Variants in EYA4 observed in about 807,000 individuals in gnomAD.
EYA4 encodes EYA transcriptional coactivator and phosphatase 4.
Under a neutral mutation model 87.9 loss-of-function variants are expected in EYA4, and 31 were observed. The observed-to-expected ratio is 0.35, with a 90% CI of 0.27 to 0.48. The LOEUF (loss-of-function observed/expected upper bound fraction) is 0.48, where lower values mean the gene tolerates loss of function less well. Among genes scored for constraint, EYA4 ranks in the 20% least tolerant of loss-of-function variants. The probability of loss-of-function intolerance (pLI) is 0.99; values close to 1 mark genes in which losing one functional copy is unlikely to be tolerated. For synonymous variants in EYA4, 263 were observed against 270.6 expected, an observed-to-expected ratio of 0.97 and a Z score of 0.28; for missense variants, 678 against 761.4, an observed-to-expected ratio of 0.89 and a Z score of 1.29.
Position 133,528,985 on chromosome 6 carries a change from G to T in EYA4, c.*180G>T. The T allele has an allele frequency of 6.9e-7, 1 of 1,443,964 alleles. No individual in the cohort carries two copies. Among genetic ancestry groups the T allele is most frequent in the Admixed American group, 2.4e-5 (1 of 41,526 alleles). The allele number at this position is 1,443,964 out of a possible 1,614,324, so 89.4% of individuals were successfully genotyped here. A position where few individuals can be genotyped will look rare whatever the true frequency, so the allele number is the denominator to read the frequency against. Reference sequence around the variant, plus strand: ...AATGGAGTTAAACTTTAGTGCTACAGAAAAGAAACTCTATGGTCTTATATT... The same window carrying T: ...AATGGAGTTAAACTTTAGTGCTACATAAAAGAAACTCTATGGTCTTATATT... On this transcript the variant is annotated 3_prime_UTR_variant, in exon 20 of 20. Transcript: ENST00000355286.
chr6:133,275,438 A>T (rs1018858634), intron 2 of EYA4, among the ~76,000 whole-genome samples: 1 of 152,022 alleles, frequency 6.6e-6, no homozygotes, highest in African/African-American at 2.4e-5. Flanking sequence ...ACGCCTTCAC[A>T]CTACTGGAAG....
chr6:133,462,847 T>C, intron 9 of EYA4, 83 bp downstream of exon 9: 1 of 1,270,994 alleles, frequency 7.9e-7, no homozygotes, highest in Non-Finnish European at 1.1e-6. Flanking sequence ...GAATATCCAA[T>C]CATGAAGGTA....
At chr6:133,322,727 A>G (rs903431929) in intron 2 of EYA4, among the ~76,000 whole-genome samples, 3 of 152,224 alleles carry the variant, frequency 2.0e-5, no homozygotes, top group African/African-American at 4.8e-5. Flanking sequence ...ATAACCTACT[A>G]TAATTCCTAA....
chr6:133,246,088 T>C (rs1470797663), intron 1 of EYA4, among the ~76,000 whole-genome samples: 1 of 152,222 alleles, frequency 6.6e-6, no homozygotes, highest in Non-Finnish European at 1.5e-5. Context: ...AAACCACATT[T>C]ATATAGTGAT....
At position 133,529,580 on chromosome 6, in the gene EYA4, T is replaced by G; in HGVS notation, c.*775T>G. On this transcript the variant is annotated 3_prime_UTR_variant, in exon 20 of 20. Transcript: ENST00000355286. ...TTCTTAACATGACCAAATTTAAAAG[T>G]CAAGCTCTCAGAGCTTAATTACCGC... 1.0e-6 allele frequency: 1 copy of G among 983,934 alleles called. No homozygotes were observed. The highest frequency in any genetic ancestry group is 1.2e-6 in the Non-Finnish European group (1 of 829,342). The allele number at this position is 983,934 out of a possible 1,614,324, so 61.0% of individuals were successfully genotyped here.
At chr6:133,296,659 GA>G (rs991428910) in intron 2 of EYA4, among the ~76,000 whole-genome samples, 1 of 151,428 alleles carries the variant, frequency 6.6e-6, no homozygotes, top group African/African-American at 2.4e-5. Flanking sequence ...GGGAAGATGG[GA>G]AAAAAAAGAG....
intron 2 of EYA4, among the ~76,000 whole-genome samples, chr6:133,373,221 T>C (rs1358482184): frequency 6.6e-6 from 1 of 152,052 alleles, no homozygotes; most frequent in Non-Finnish European, 1.5e-5. Flanking sequence ...CAAGATGAGC[T>C]GCATTTGTTA....
intron 1 of EYA4, among the ~76,000 whole-genome samples, chr6:133,273,339 A>C (rs530766879): frequency 6.6e-6 from 1 of 152,082 alleles, no homozygotes; most frequent in Non-Finnish European, 1.5e-5. Flanking sequence ...ATTCGCTGGC[A>C]GCTGATTAGA....
In EYA4 at chr6:133,287,052, G is replaced by A. The variant is rs1778123492; in HGVS notation, c.33+12239G>A. Among the ~76,000 whole-genome samples, 4 of 150,662 alleles carry A rather than the reference G, an allele frequency of 2.7e-5. No individual in the cohort carries two copies. The South Asian group carries it at 8.5e-4, about 32-fold the overall frequency. On this transcript the variant is annotated intron_variant, in intron 2 of 19. Coordinates refer to ENST00000355286, the MANE Select transcript of EYA4 (RefSeq NM_004100.5). ...AATGTCTTCTCTGTGTGTGTCGGGG[G>A]GACCACAGATCTACATTACATCTGT...
chr6:133,405,158 A>G (rs1788597467), intron 3 of EYA4, among the ~76,000 whole-genome samples: 1 of 152,032 alleles, frequency 6.6e-6, no homozygotes. Context: ...GTGCTAGAAT[A>G]TTGTTTTACC....
chr6:133,492,257 A>T (rs1404404329), intron 13 of EYA4, among the ~76,000 whole-genome samples: 1 of 152,238 alleles, frequency 6.6e-6, no homozygotes, highest in African/African-American at 2.4e-5. Flanking sequence ...AAGATAATTC[A>T]TCATGACCCA....
chr6:133,324,600 T>C (rs906235032), intron 2 of EYA4, among the ~76,000 whole-genome samples: 8 of 152,162 alleles, frequency 5.3e-5, no homozygotes, highest in Non-Finnish European at 1.2e-4. Flanking sequence ...AAAGTTATTC[T>C]ATTATGTGTC....
At chr6:133,338,807 A>T (rs948126269) in intron 2 of EYA4, among the ~76,000 whole-genome samples, 14 of 152,090 alleles carry the variant, frequency 9.2e-5, no homozygotes, top group African/African-American at 3.4e-4. Context: ...ACATGGATGC[A>T]CATACACATA....
chr6:133,526,000 C>A, intron 19 of EYA4: 2 of 678,874 alleles, frequency 2.9e-6, no homozygotes, highest in Non-Finnish European at 3.6e-6. Flanking sequence ...TCAGAAGATC[C>A]CATGGGCCCT....
rs3065226 is a variant in EYA4, at chr6:133,243,089, CGT to C, written c.-66+1369_-66+1370del. ...AGAGCAGTTCCACGTGGAGCAACTT[CGT>C]GTGTGTGTGTGTGTGTGTGTGTGTG... On this transcript the variant is annotated intron_variant, in intron 1 of 19. Transcript: ENST00000355286. 6.2e-3 allele frequency among the ~76,000 whole-genome samples: 905 copies of C among 145,332 alleles called. 3 individuals carry two copies. The highest frequency in any genetic ancestry group is 8.8e-3 in the Non-Finnish European group (582 of 66,416).
chr6:133,330,698 A>T, intron 2 of EYA4, among the ~76,000 whole-genome samples: 1 of 151,964 alleles, frequency 6.6e-6, no homozygotes, highest in East Asian at 1.9e-4. Context: ...TTTGTTATAC[A>T]CTGTGGTATT....
chr6:133,345,445 T>C (rs1783120433), intron 2 of EYA4, among the ~76,000 whole-genome samples: 1 of 152,160 alleles, frequency 6.6e-6, no homozygotes, highest in Non-Finnish European at 1.5e-5. Flanking sequence ...TTTACTAAAA[T>C]ATTTTAAATT....
intron 2 of EYA4, among the ~76,000 whole-genome samples, chr6:133,285,227 A>G (rs1777954351): frequency 6.6e-6 from 1 of 152,054 alleles, no homozygotes; most frequent in Admixed American, 6.6e-5. Context: ...CAATCTCCTG[A>G]CCTTGTGATC....
intron 13 of EYA4, among the ~76,000 whole-genome samples, chr6:133,504,335 G>A (rs186912428): frequency 2.6e-5 from 4 of 152,166 alleles, no homozygotes; most frequent in African/African-American, 4.8e-5. Context: ...GGATGAATCC[G>A]GCAGCACAGT....
Sources: gnomAD v4.1 joint callset for allele counts (sites outside exome capture counted in the v4.1 genomes callset) on GRCh38, gnomAD v4.1.1 for gene constraint, MANE v1.5 for transcripts, NCBI Gene and HGNC (gene_info 2026-07-23, HGNC 2026-07-21) for gene names.